The following RNF14 variants were observed in gnomAD, a reference collection of about 807,000 sequenced individuals.
RNF14 encodes the protein E3 ubiquitin-protein ligase RNF14.
A neutral mutation model predicts 52.6 loss-of-function variants in RNF14; 26 were observed. The observed-to-expected ratio is 0.49, with a 90% CI of 0.36 to 0.69. The LOEUF (loss-of-function observed/expected upper bound fraction) is 0.69, where lower values mean the gene tolerates loss of function less well. Ranked by LOEUF, RNF14 falls within the 30% of genes least tolerant of loss-of-function variation. The pLI is 0.00. For synonymous variants in RNF14, 194 were observed against 202.0 expected, an observed-to-expected ratio of 0.96 and a Z score of 0.34; for missense variants, 404 against 560.4, an observed-to-expected ratio of 0.72 and a Z score of 2.82.
At chr5:141,967,287 G>A (rs1440024083), upstream of RNF14, among the ~76,000 whole-genome samples, 1 of 152,152 alleles carries the variant, frequency 6.6e-6, no homozygotes, top group Non-Finnish European at 1.5e-5. Context: ...GAGGGTGAGA[G>A]CACAGCATCA....
Position 141,972,815 on chromosome 5 carries a change from T to G in RNF14, c.-6-768T>G, listed in dbSNP as rs189241214. ...CACGTTGGCCAGGCTGGTCTCGAAC[T>G]CCTGACTGCAGGTGATTTGCCCGCC... On this transcript the variant is annotated intron_variant, in intron 2 of 8. Coordinates refer to ENST00000394520, the MANE Select transcript of RNF14 (RefSeq NM_004290.5). Among the ~76,000 whole-genome samples, 1,150 of 152,224 alleles carry G rather than the reference T, an allele frequency of 7.6e-3. 8 individuals are homozygous for G. Among genetic ancestry groups the G allele is most frequent in the Middle Eastern group, 0.02 (6 of 294 alleles).
At chr5:141,952,861 A>G in the RNF14 span, 15 of 152,226 alleles carry the variant, frequency 9.9e-5, no homozygotes, top group African/African-American at 3.4e-4. Context: ...TCCTGGGTCC[A>G]TCCCCATTCC....
At chr5:141,965,755 T>C (rs1475194644), upstream of RNF14, among the ~76,000 whole-genome samples, 1 of 151,914 alleles carries the variant, frequency 6.6e-6, no homozygotes, top group Non-Finnish European at 1.5e-5. Flanking sequence ...GGAAGCTAAA[T>C]GATGAGAACA....
intron 4 of RNF14, among the ~76,000 whole-genome samples, chr5:141,976,188 AT>A (rs1323701409): frequency 2.6e-5 from 4 of 152,252 alleles, no homozygotes; most frequent in Admixed American, 2.6e-4. Context: ...AAGACAGTTG[AT>A]TTGTCCAGGA....
chr5:141,971,245 C>G (rs897025935), intron 2 of RNF14, among the ~76,000 whole-genome samples: 1 of 152,050 alleles, frequency 6.6e-6, no homozygotes, highest in African/African-American at 2.4e-5. Context: ...AACATTGATT[C>G]ATACTTTATT....
At chr5:141,984,765 C>A in intron 7 of RNF14, 38 bp from the exon 8 acceptor site, 2 of 1,607,126 alleles carry the variant, frequency 1.2e-6, no homozygotes, top group Non-Finnish European at 1.7e-6. Flanking sequence ...TCTGCTTTTA[C>A]AGCCTTGATA....
chr5:141,981,851 CAAAAA>C lies in RNF14; in HGVS notation c.1063+1509_1063+1513del, dbSNP rs948599356. ...TGGGGGACAGAGTGGGACCCTGTCT[CAAAAA>C]AAAAAAAAGAGGAAAAAGAAAAATA... is the stretch of plus-strand genomic sequence containing the variant. On this transcript the variant is annotated intron_variant, in intron 6 of 8. Coordinates refer to ENST00000394520, the MANE Select transcript of RNF14 (RefSeq NM_004290.5). Among the ~76,000 whole-genome samples the C allele has an allele frequency of 1.2e-4, 13 of 108,596 alleles. No homozygotes were observed. In the South Asian group the frequency reaches 3.3e-3, roughly 28 times the overall value. 71.2% of individuals were successfully genotyped at this position (108,596 alleles called of 152,430 possible). A position where few individuals can be genotyped will look rare whatever the true frequency, so the allele number is the denominator to read the frequency against.
chr5:141,961,808 A>T (rs1437704173), intron 1 of RNF14, among the ~76,000 whole-genome samples: 1 of 152,088 alleles, frequency 6.6e-6, no homozygotes, highest in East Asian at 1.9e-4. Flanking sequence ...GAGGGGTCAG[A>T]CTAGTAAGGT....
In RNF14 at chr5:141,961,207, T is replaced by G. The variant is rs200218311; in HGVS notation, c.-181+2782T>G. 6.1e-4 allele frequency among the ~76,000 whole-genome samples: 92 copies of G among 151,500 alleles called. 1 individual carries two copies. The East Asian group carries it at 0.013, about 21-fold the overall frequency. ...TACATGCAGTTATATATCTGTTGGG[T>G]GTGTGTGTGTGTGTGTCTGTGTTTT... is the stretch of plus-strand genomic sequence containing the variant. On this transcript the variant is annotated intron_variant, in intron 1 of 4. Coordinates refer to the RNF14 transcript ENST00000506822.
At chr5:141,969,693 G>A (rs1276926839) in intron 1 of RNF14, 7 of 152,294 alleles carry the variant, frequency 4.6e-5, no homozygotes, top group African/African-American at 7.2e-5. Context: ...GAAACTGCTT[G>A]GAGTAGAAGT....
In RNF14 at chr5:141,973,685, G is replaced by C; in HGVS notation, c.97G>C (p.Gly33Arg). The change falls in exon 3 of 9, where the codon GGT becomes CGT. Residue 33 changes from glycine to arginine, a missense_variant. Transcript: ENST00000394520. ...ATTTAGAAAAGCAGAGTCTGTCCAA[G>C]GTGGAGAAACCAGGATCTATTTGGA... ...DEFRKAESVQ[G>R]GETRIYLDLP... 6.2e-7 allele frequency: 1 copy of C among 1,613,672 alleles called. No individual in the cohort carries two copies. The highest frequency in any genetic ancestry group is 8.5e-7 in the Non-Finnish European group (1 of 1,179,830).
chr5:141,979,644 TC>T (rs1224232302), intron 5 of RNF14, among the ~76,000 whole-genome samples: 1 of 152,036 alleles, frequency 6.6e-6, no homozygotes, highest in Non-Finnish European at 1.5e-5. Context: ...ACACCTATAA[TC>T]CCAGCACTTT....
upstream of RNF14, among the ~76,000 whole-genome samples, chr5:141,967,597 C>T (rs1028505503): frequency 1.3e-5 from 2 of 152,196 alleles, no homozygotes; most frequent in East Asian, 3.9e-4. Context: ...GCCCATGAAT[C>T]TAATCCTGCC....
intron 8 of RNF14, among the ~76,000 whole-genome samples, chr5:141,987,225 G>A (rs1229027969): frequency 1.3e-5 from 2 of 152,222 alleles, no homozygotes; most frequent in African/African-American, 4.8e-5. Context: ...TCCCATCATG[G>A]CCGGGAACTG....
upstream of RNF14, chr5:141,968,838 C>T (rs1375980378): frequency 6.6e-6 from 1 of 152,266 alleles, no homozygotes; most frequent in African/African-American, 2.4e-5. Flanking sequence ...TTGTGAGAGT[C>T]TCTGCCCTAG....
At chr5:141,954,726 C>T (rs1753145106), upstream of RNF14, among the ~76,000 whole-genome samples, 1 of 152,176 alleles carries the variant, frequency 6.6e-6, no homozygotes, top group Admixed American at 6.5e-5. Flanking sequence ...GATACTCTTA[C>T]TATCATCTCT....
chr5:141,987,999 C>A lies in RNF14; in HGVS notation c.*209C>A. The A allele has an allele frequency of 1.9e-6, 1 of 529,020 alleles. No homozygotes were observed. Among genetic ancestry groups the A allele is most frequent in the Non-Finnish European group, 3.4e-6 (1 of 295,444 alleles). 32.8% of individuals were successfully genotyped at this position (529,020 alleles called of 1,614,324 possible). On this transcript the variant is annotated 3_prime_UTR_variant, in exon 9 of 9. Transcript: ENST00000394520. The stretch of plus-strand genomic sequence containing the variant: ...ATGTAAGTTGAGAAAAATTTATAAG[C>A]CAAAGGTTCAGAAAATTAAACTACA...
At chr5:141,963,719 A>G (rs1753293319), upstream of RNF14, among the ~76,000 whole-genome samples, 2 of 152,104 alleles carry the variant, frequency 1.3e-5, no homozygotes, top group Admixed American at 1.3e-4. Context: ...GTTGACCCAC[A>G]TTTTCCCTTC....
chr5:141,954,918 T>C (rs915423832), upstream of RNF14: 1 of 1,550,334 alleles, frequency 6.5e-7, no homozygotes, highest in Admixed American at 1.9e-5. Context: ...TGTCTGATTC[T>C]GTTTCTGGTG....
Sources: allele counts gnomAD v4.1 joint callset (sites outside exome capture counted in the v4.1 genomes callset), GRCh38; gene constraint gnomAD v4.1.1; transcripts MANE v1.5; gene names NCBI Gene and HGNC (gene_info 2026-07-23, HGNC 2026-07-21).